Variants in PTPN4 observed in about 807,000 individuals in gnomAD.
PTPN4 encodes the protein tyrosine-protein phosphatase non-receptor type 4.
Under a neutral mutation model 135.5 loss-of-function variants are expected in PTPN4, and 49 were observed. That is an observed-to-expected ratio of 0.36 (90% CI 0.29 to 0.46). The LOEUF (loss-of-function observed/expected upper bound fraction) is 0.46. PTPN4 is among the 20% of genes least tolerant of loss of function. The pLI is 1.00. For synonymous variants in PTPN4, 333 were observed against 369.9 expected (o/e 0.90, Z 1.14); for missense variants, 860 against 1,101.0 (o/e 0.78, Z 3.10).
chr2:119,977,116 T>C lies in PTPN4; in HGVS notation c.*46T>C. 1.3e-6 allele frequency: 2 copies of C among 1,548,954 alleles called. No homozygotes were observed. Among genetic ancestry groups the C allele is most frequent in the South Asian group, 1.3e-5 (1 of 79,676 alleles). On this transcript the variant is annotated 3_prime_UTR_variant, in exon 27 of 27. Transcript: ENST00000263708. ...TATGTGTTGGAAAACTGCTTTCCCT[T>C]ATGTTCACTGTGCCATAATGCTGCT... is the stretch of plus-strand genomic sequence containing the variant.
rs548335886 is a variant in PTPN4 at position 119,823,286 on chromosome 2, G to T, written c.138+13295G>T. Among the ~76,000 whole-genome samples, 11 of 150,518 alleles carry T rather than the reference G, an allele frequency of 7.3e-5. No individual in the cohort carries two copies. The East Asian group carries it at 1.2e-3, about 16-fold the overall frequency. On this transcript the variant is annotated intron_variant, in intron 2 of 26. Transcript: ENST00000263708. The stretch of plus-strand genomic sequence containing the variant: ...GTCTCGCTCTGTCGCCCAGGCTAGA[G>T]TGCAGTGGCTCGATCTCCGCTCACT...
At chr2:119,874,003 C>A (rs1677951000) in intron 3 of PTPN4, among the ~76,000 whole-genome samples, 1 of 152,126 alleles carries the variant, frequency 6.6e-6, no homozygotes, top group Non-Finnish European at 1.5e-5. Flanking sequence ...AATTTATACA[C>A]AGATGTTCAT....
intron 3 of PTPN4, among the ~76,000 whole-genome samples, chr2:119,870,423 A>G (rs1243583844): frequency 2.0e-5 from 3 of 152,218 alleles, no homozygotes; most frequent in Admixed American, 1.3e-4. Flanking sequence ...TTTCAGTTTC[A>G]TTGGTAAAAC....
chr2:119,871,125 T>C (rs1677903143), intron 3 of PTPN4, among the ~76,000 whole-genome samples: 1 of 149,804 alleles, frequency 6.7e-6, no homozygotes, highest in Non-Finnish European at 1.5e-5. Flanking sequence ...TCAGCTTCAC[T>C]GGTTAATCAG....
chr2:119,905,919 G>A (rs1048406794), intron 10 of PTPN4, among the ~76,000 whole-genome samples: 3 of 151,984 alleles, frequency 2.0e-5, no homozygotes, highest in Non-Finnish European at 4.4e-5. Context: ...AACAAAAACA[G>A]CAACATAACA....
intron 1 of PTPN4, among the ~76,000 whole-genome samples, chr2:119,774,085 GTC>G (rs758750573): frequency 8.3e-4 from 126 of 152,296 alleles, no homozygotes; most frequent in Non-Finnish European, 1.5e-3. Flanking sequence ...TGAGTAGTTT[GTC>G]TCTCCAGTTA....
At chr2:119,873,903 G>A (rs923205009) in intron 3 of PTPN4, among the ~76,000 whole-genome samples, 1 of 152,132 alleles carries the variant, frequency 6.6e-6, no homozygotes, top group African/African-American at 2.4e-5. Context: ...TTTATCATAT[G>A]TGATTTCAAG....
intron 2 of PTPN4, among the ~76,000 whole-genome samples, chr2:119,827,591 A>G (rs760028423): frequency 4.6e-5 from 7 of 152,192 alleles, no homozygotes; most frequent in Non-Finnish European, 7.3e-5. Context: ...CTTAAATGTA[A>G]GACAAGAATT....
intron 1 of PTPN4, among the ~76,000 whole-genome samples, chr2:119,774,934 A>G (rs570990830): frequency 1.3e-4 from 19 of 151,974 alleles, no homozygotes; most frequent in Non-Finnish European, 2.1e-4. Context: ...CAGGAGTCGC[A>G]TGAACCTGGG....
chr2:119,958,484 C>T (rs1225140705), intron 22 of PTPN4, among the ~76,000 whole-genome samples: 5 of 152,136 alleles, frequency 3.3e-5, no homozygotes, highest in South Asian at 2.1e-4. Context: ...ATACCTCTTA[C>T]GCAGTTTCAA....
intron 1 of PTPN4, among the ~76,000 whole-genome samples, chr2:119,770,320 A>G (rs1690710707): frequency 6.6e-6 from 1 of 152,232 alleles, no homozygotes; most frequent in African/African-American, 2.4e-5. Context: ...ACAGCAGTGT[A>G]TATTACCATA....
At chr2:119,957,251 G>A (rs1267853554) in intron 22 of PTPN4, among the ~76,000 whole-genome samples, 174 bp downstream of exon 22, 1 of 152,090 alleles carries the variant, frequency 6.6e-6, no homozygotes, top group Non-Finnish European at 1.5e-5. Context: ...ATTAATACAG[G>A]TAGAGCAGTG....
chr2:119,882,448 A>G lies in PTPN4; in HGVS notation c.467-55A>G, dbSNP rs1311281295. The G allele has an allele frequency of 5.7e-6, 8 of 1,405,512 alleles. No individual in the cohort carries two copies. In the East Asian group the frequency reaches 1.0e-4, roughly 18 times the overall value. The allele number at this position is 1,405,512 out of a possible 1,614,324, so 87.1% of individuals were successfully genotyped here. ...AATTAATGGCATCGCTGATTTGACT[A>G]TAATAATTTAAAAATTTGTTTATTA... On this transcript the variant is annotated intron_variant, in intron 7 of 26. Coordinates refer to ENST00000263708, the MANE Select transcript of PTPN4 (RefSeq NM_002830.4).
intron 3 of PTPN4, among the ~76,000 whole-genome samples, chr2:119,864,795 G>C: frequency 6.6e-6 from 1 of 152,108 alleles, no homozygotes. Context: ...TGATCTTTTT[G>C]CTGTCTCCTA....
At chr2:119,969,000 T>A (rs1278381083) in intron 26 of PTPN4, among the ~76,000 whole-genome samples, 1 of 152,122 alleles carries the variant, frequency 6.6e-6, no homozygotes, top group Non-Finnish European at 1.5e-5. Context: ...TTGACCTATG[T>A]GATCCAGTAA....
intron 7 of PTPN4, 53 bp from the exon 8 acceptor site, chr2:119,882,447 TATA>T (rs1678094251): frequency 2.1e-6 from 3 of 1,401,536 alleles, no homozygotes; most frequent in South Asian, 2.8e-5. Flanking sequence ...CTGATTTGAC[TATA>T]ATAATTTAAA....
intron 14 of PTPN4, among the ~76,000 whole-genome samples, chr2:119,933,524 A>G (rs1443738465): frequency 6.6e-6 from 1 of 152,006 alleles, no homozygotes; most frequent in Non-Finnish European, 1.5e-5. Flanking sequence ...ACAAAAACAT[A>G]CAAAAATTAG....
Position 119,879,057 on chromosome 2 carries a change from C to T in PTPN4, c.368+1515C>T, listed in dbSNP as rs542344293. Among the ~76,000 whole-genome samples the T allele has an allele frequency of 8.8e-5, 13 of 148,012 alleles. No homozygotes were observed. In the East Asian group the frequency reaches 2.0e-3, roughly 23 times the overall value. ...GCAGTGAGCCGAGATCACGCCACTG[C>T]ACTCCAGCCTGGGCGACAGAGTGAG... is the stretch of plus-strand genomic sequence containing the variant. On this transcript the variant is annotated intron_variant, in intron 5 of 26. Transcript: ENST00000263708.
intron 23 of PTPN4, 34 bp from the exon 24 acceptor site, chr2:119,962,582 A>G: frequency 1.7e-6 from 2 of 1,175,614 alleles, no homozygotes; most frequent in Non-Finnish European, 2.2e-6. Flanking sequence ...ATATGTATAT[A>G]ATTTTATTTA....
Sources: gnomAD v4.1 joint callset for allele counts (sites outside exome capture counted in the v4.1 genomes callset) on GRCh38, gnomAD v4.1.1 for gene constraint, MANE v1.5 for transcripts, NCBI Gene and HGNC (gene_info 2026-07-23, HGNC 2026-07-21) for gene names.